The following SBK1 variants were observed in gnomAD, a reference collection of about 807,000 sequenced individuals.
The protein encoded by SBK1 is serine/threonine-protein kinase SBK1.
Under a neutral mutation model 24.4 loss-of-function variants are expected in SBK1, and 11 were observed. The ratio of observed to expected loss-of-function variants is 0.45; its 90% CI spans 0.28 to 0.75. The LOEUF is 0.75. Ranked by LOEUF, SBK1 falls within the 30% of genes least tolerant of loss-of-function variation. The pLI, the probability that SBK1 is intolerant of heterozygous loss-of-function variation, is 0.12. For missense variants in SBK1, 467 were observed against 620.5 expected, an observed-to-expected ratio of 0.75 and a Z score of 2.63; for synonymous variants, 308 against 284.4, an observed-to-expected ratio of 1.08 and a Z score of -0.83.
intron 1 of SBK1, among the ~76,000 whole-genome samples, chr16:28,283,246 T>C (rs956960871): frequency 1.3e-5 from 2 of 152,156 alleles, no homozygotes; most frequent in Non-Finnish European, 2.9e-5. Flanking sequence ...CCCACATTTT[T>C]AAACCCTTTA....
chr16:28,289,208 G>A (rs1181700235), upstream of SBK1, among the ~76,000 whole-genome samples: 1 of 152,146 alleles, frequency 6.6e-6, no homozygotes, highest in Non-Finnish European at 1.5e-5. Flanking sequence ...TTTTCTTCCT[G>A]CTTTCTCCCT....
At chr16:28,282,465 G>T (rs1282519548) in intron 1 of SBK1, among the ~76,000 whole-genome samples, 3 of 152,272 alleles carry the variant, frequency 2.0e-5, no homozygotes, top group Non-Finnish European at 4.4e-5. Context: ...CGAACTTTGT[G>T]TCTCCTCTGT....
At chr16:28,266,387 A>G (rs1041149702) in intron 1 of SBK1, among the ~76,000 whole-genome samples, 1 of 152,110 alleles carries the variant, frequency 6.6e-6, no homozygotes, top group Non-Finnish European at 1.5e-5. Context: ...AAAAGAAAAG[A>G]AAAGAAAAAG....
intron 1 of SBK1, among the ~76,000 whole-genome samples, chr16:28,309,405 G>T (rs1485692316): frequency 4.6e-5 from 7 of 152,182 alleles, no homozygotes; most frequent in Admixed American, 4.6e-4. Flanking sequence ...GTTGCTGAGG[G>T]ACAGGTGGCT....
chr16:28,264,876 G>A (rs1399624350), intron 1 of SBK1, among the ~76,000 whole-genome samples: 1 of 152,114 alleles, frequency 6.6e-6, no homozygotes, highest in African/African-American at 2.4e-5. Flanking sequence ...AAAGTGGGAG[G>A]AAAACTGAGA....
upstream of SBK1, chr16:28,258,966 G>A (rs1394973916): frequency 2.0e-5 from 3 of 152,746 alleles, no homozygotes; most frequent in Non-Finnish European, 4.4e-5. Context: ...CAGACAGGGG[G>A]ACTGGGGCAC....
chr16:28,308,002 A>T (rs992712499), intron 1 of SBK1, among the ~76,000 whole-genome samples: 1 of 152,126 alleles, frequency 6.6e-6, no homozygotes, highest in East Asian at 1.9e-4. Flanking sequence ...CAGGATAGGA[A>T]CAAGCCGTCT....
Position 28,320,470 on chromosome 16 carries a change from C to G in SBK1, c.824C>G (p.Pro275Arg). 1 of 1,574,428 alleles carries G rather than the reference C, an allele frequency of 6.4e-7. No homozygotes were observed. Residue 275 changes from proline to arginine, a missense_variant, in exon 4 of 4, where the codon CCG becomes CGG. Transcript: ENST00000341901. This position sits in a 1 kb window ranked among gnomAD's most constrained non-coding sequence, Gnocchi z 8.5. Reference protein sequence around the residue: ...EFVRWQRGRLPGLPSQWRRFT... With the variant: ...EFVRWQRGRLRGLPSQWRRFT... ...GTGCGCTGGCAGCGGGGCCGCCTGC[C>G]GGGGCTGCCTTCGCAGTGGCGCCGC...
intron 1 of SBK1, among the ~76,000 whole-genome samples, chr16:28,268,027 G>A (rs1054581883): frequency 2.0e-5 from 3 of 152,158 alleles, no homozygotes; most frequent in African/African-American, 7.2e-5. Context: ...TGCACCTGTA[G>A]TCCCAGCTAC....
At position 28,320,783 on chromosome 16, in the gene SBK1, G is replaced by T. The variant is rs1282270404; in HGVS notation, c.1137G>T (p.Val379=). 18 of 1,414,890 alleles carry T rather than the reference G, an allele frequency of 1.3e-5. No homozygotes were observed. The East Asian group carries it at 6.6e-4, about 52-fold the overall frequency. The allele number at this position is 1,414,890 out of a possible 1,614,324, so 87.6% of individuals were successfully genotyped here. Residue 379 remains valine (V), a synonymous_variant, in exon 4 of 4, where the codon GTG becomes GTT. Transcript: ENST00000341901. The surrounding 1 kb of genome is among the most constrained non-coding windows in gnomAD (Gnocchi z 8.5). ...GGTCGGTGCCCTTGCCCGTGCCGGT[G>T]CCGGTGCCAGTGCCCGTGCCGGTGC... The part of the protein sequence containing the change: ...AVGSVPLPVP[V]PVPVPVPVPV...
At position 28,313,379 on chromosome 16, in the gene SBK1, T is replaced by C. The variant is rs140654223; in HGVS notation, c.-7-4006T>C. ...TAATCCCAGCACTTTGGAGGATTGCTTGAGGTCAGGAATTCAAGACCAGCC... is the reference window on the plus strand; with the variant it reads ...TAATCCCAGCACTTTGGAGGATTGCCTGAGGTCAGGAATTCAAGACCAGCC... On this transcript the variant is annotated intron_variant, in intron 1 of 3. Transcript: ENST00000341901. Among the ~76,000 whole-genome samples, 1,007 of 151,618 alleles carry C rather than the reference T, an allele frequency of 6.6e-3. 10 individuals carry two copies. Among genetic ancestry groups the C allele is most frequent in the African/African-American group, 0.024 (974 of 41,308 alleles).
At chr16:28,310,093 G>A (rs531757503) in intron 1 of SBK1, among the ~76,000 whole-genome samples, 9 of 152,194 alleles carry the variant, frequency 5.9e-5, no homozygotes, top group Non-Finnish European at 1.0e-4. Context: ...TGGCAGAGCC[G>A]TGACTACTGC....
chr16:28,278,800 G>A (rs2044510836), intron 1 of SBK1, among the ~76,000 whole-genome samples: 1 of 152,222 alleles, frequency 6.6e-6, no homozygotes, highest in Non-Finnish European at 1.5e-5. Context: ...CACCACTGCT[G>A]CCGTTTGTCC....
intron 1 of SBK1, among the ~76,000 whole-genome samples, chr16:28,313,892 G>A (rs1009876634): frequency 6.6e-6 from 1 of 152,088 alleles, no homozygotes; most frequent in Non-Finnish European, 1.5e-5. Context: ...GAAGGGAGCC[G>A]CTGGGCTGCG....
At position 28,259,804 on chromosome 16, in the gene SBK1, C is replaced by A. The variant is rs2044386019; in HGVS notation, c.257+302C>A. ...CCCGTGGGATAAAGTTAACACTCGG[C>A]TGAGCATTCAAGGCCTGCGTGATTG... is the stretch of plus-strand genomic sequence containing the variant. On this transcript the variant is annotated intron_variant, in intron 1 of 3. Coordinates refer to the SBK1 transcript ENST00000671413. The surrounding 1 kb of genome is among the most constrained non-coding windows in gnomAD (Gnocchi z 6.0). Among the ~76,000 whole-genome samples, 1 of 152,148 alleles carries A rather than the reference C, an allele frequency of 6.6e-6. No individual in the cohort carries two copies. The highest frequency in any genetic ancestry group is 2.4e-5 in the African/African-American group (1 of 41,438).
At position 28,292,840 on chromosome 16, in the gene SBK1, A is replaced by G. The variant is rs987498906; in HGVS notation, c.-468A>G. 1 of 984,868 alleles carries G rather than the reference A, an allele frequency of 1.0e-6. No individual in the cohort carries two copies. The highest frequency in any genetic ancestry group is 1.2e-6 in the Non-Finnish European group (1 of 829,560). 61.0% of individuals were successfully genotyped at this position (984,868 alleles called of 1,614,324 possible). On this transcript the variant is annotated 5_prime_UTR_variant, in exon 1 of 4. Coordinates refer to ENST00000341901, the MANE Select transcript of SBK1 (RefSeq NM_001024401.3). The stretch of plus-strand genomic sequence containing the variant: ...CACCGAGCGACTCCCCTGCGGGGAA[A>G]GCGGAGACTTCCTCGGTATTTAGAA...
At chr16:28,301,201 C>G (rs1443294739) in intron 1 of SBK1, among the ~76,000 whole-genome samples, 1 of 152,220 alleles carries the variant, frequency 6.6e-6, no homozygotes, top group African/African-American at 2.4e-5. Flanking sequence ...CAGCTTATCC[C>G]ACACCCCTGG....
rs1281469846 is a variant in SBK1, at chr16:28,320,202, G to T, written c.556G>T (p.Glu186Ter). The T allele has an allele frequency of 1.9e-6, 3 of 1,594,148 alleles. No individual in the cohort carries two copies. The highest frequency in any genetic ancestry group is 1.7e-5 in the Admixed American group (1 of 58,938). Residue 186 changes from glutamate (E) to a stop codon, truncating the protein, a stop_gained, in exon 4 of 4, where the codon GAG (glutamate) becomes TAG (stop). Transcript: ENST00000341901. LOFTEE classifies it high-confidence loss of function. This position sits in a 1 kb window ranked among gnomAD's most constrained non-coding sequence, Gnocchi z 8.5. ...CGAGAACGTGCTGCTGTTCGACCGCGAGTGCCGCCGCGTAAAGCTGGCCGA... is the reference window on the plus strand; with the variant it reads ...CGAGAACGTGCTGCTGTTCGACCGCTAGTGCCGCCGCGTAAAGCTGGCCGA... Reference protein sequence around the residue: ...KPENVLLFDRECRRVKLADFG... With the variant: ...KPENVLLFDR
chr16:28,273,585 T>G (rs911892956), intron 1 of SBK1, among the ~76,000 whole-genome samples: 3 of 152,090 alleles, frequency 2.0e-5, no homozygotes, highest in Non-Finnish European at 4.4e-5. Flanking sequence ...TTTAGTTTGA[T>G]GTAGTCCCAC....
Sources: allele counts gnomAD v4.1 joint callset (sites outside exome capture counted in the v4.1 genomes callset), GRCh38; gene constraint gnomAD v4.1.1; non-coding constraint Gnocchi (gnomAD v3.1); transcripts MANE v1.5; gene names NCBI Gene and HGNC (gene_info 2026-07-23, HGNC 2026-07-21).